Variants in KCNH7 observed in about 807,000 individuals in gnomAD.
KCNH7 encodes the protein voltage-gated inwardly rectifying potassium channel KCNH7.
KCNH7 carries 49 observed loss-of-function variants against 120.8 expected under a neutral mutation model. The observed-to-expected ratio is 0.41, with a 90% CI of 0.32 to 0.51. KCNH7 has a LOEUF of 0.51. Among genes scored for constraint, KCNH7 ranks in the 20% least tolerant of loss-of-function variants. The probability of loss-of-function intolerance (pLI) is 0.38; values close to 1 mark genes in which losing one functional copy is unlikely to be tolerated. For synonymous variants in KCNH7, 547 were observed against 516.1 expected (o/e 1.06, Z -0.81); for missense variants, 1,097 against 1,446.6 (o/e 0.76, Z 3.92).
At chr2:162,377,779 C>A (rs1162076432) in intron 14 of KCNH7, among the ~76,000 whole-genome samples, 1 of 152,076 alleles carries the variant, frequency 6.6e-6, no homozygotes, top group Non-Finnish European at 1.5e-5. Flanking sequence ...AGCAGCAATT[C>A]AAAACATCTT....
chr2:162,612,898 T>C (rs372116317), intron 2 of KCNH7, among the ~76,000 whole-genome samples: 3 of 152,120 alleles, frequency 2.0e-5, no homozygotes, highest in South Asian at 2.1e-4. Context: ...GGATCACTAA[T>C]AAATTACTAA....
chr2:162,800,631 T>A (rs1022015608), intron 2 of KCNH7, among the ~76,000 whole-genome samples: 3 of 151,906 alleles, frequency 2.0e-5, no homozygotes, highest in Non-Finnish European at 4.4e-5. Flanking sequence ...TACTAAGTTT[T>A]TAAAAAGGCA....
intron 2 of KCNH7, among the ~76,000 whole-genome samples, chr2:162,573,930 G>A (rs1693579208): frequency 6.6e-6 from 1 of 151,812 alleles, no homozygotes; most frequent in Admixed American, 6.6e-5. Context: ...CTGTGAGGAC[G>A]GGTTGCTATA....
chr2:162,732,728 G>A (rs1687773315), intron 2 of KCNH7, among the ~76,000 whole-genome samples: 1 of 152,170 alleles, frequency 6.6e-6, no homozygotes. Context: ...ATAGCATGAT[G>A]AGATATGGGC....
At chr2:162,654,982 G>A (rs1261895489) in intron 2 of KCNH7, among the ~76,000 whole-genome samples, 4 of 152,136 alleles carry the variant, frequency 2.6e-5, no homozygotes, top group African/African-American at 4.8e-5. Context: ...CAGGGGAAGG[G>A]GAGGAGCAGG....
chr2:162,834,562 G>A (rs1036755837), intron 2 of KCNH7, among the ~76,000 whole-genome samples: 23 of 151,930 alleles, frequency 1.5e-4, no homozygotes, highest in Non-Finnish European at 2.9e-5. Context: ...CTGAAAACAG[G>A]GGAGTTTTAA....
intron 2 of KCNH7, among the ~76,000 whole-genome samples, chr2:162,807,426 G>A (rs987884477): frequency 1.3e-5 from 2 of 151,832 alleles, no homozygotes; most frequent in African/African-American, 4.8e-5. Context: ...AATAGAGCAA[G>A]ACTCTGTCTC....
intron 2 of KCNH7, among the ~76,000 whole-genome samples, chr2:162,729,793 T>C (rs1232157876): frequency 6.6e-6 from 1 of 152,100 alleles, no homozygotes; most frequent in East Asian, 1.9e-4. Flanking sequence ...TTTGAGAAAA[T>C]ACTGTTTTAT....
Position 162,413,415 on chromosome 2 carries a change from C to T in KCNH7, c.2154+9921G>A, listed in dbSNP as rs563271165. ...GTGCTGGAATTACAGGGGTGAGCCA[C>T]TGTGCCCAGCCAAACCATTCTTATA... On this transcript the variant is annotated intron_variant, in intron 9 of 15. Coordinates refer to ENST00000332142, the MANE Select transcript of KCNH7 (RefSeq NM_033272.4). 3.2e-3 allele frequency among the ~76,000 whole-genome samples: 485 copies of T among 152,264 alleles called. 9 individuals carry two copies. The Middle Eastern group carries it at 0.061, about 19-fold the overall frequency.
intron 2 of KCNH7, among the ~76,000 whole-genome samples, chr2:162,786,848 G>A (rs622593): frequency 0.067 from 10,214 of 152,206 alleles, 401 homozygotes; most frequent in African/African-American, 0.11. Context: ...ACAACCATCC[G>A]CACCAGAAAA....
chr2:162,399,663 G>T (rs1386379468), intron 10 of KCNH7, among the ~76,000 whole-genome samples: 1 of 151,796 alleles, frequency 6.6e-6, no homozygotes, highest in Non-Finnish European at 1.5e-5. Flanking sequence ...TTCTATCACT[G>T]GTTGTTAAGT....
chr2:162,686,000 G>A (rs939983806), intron 2 of KCNH7, among the ~76,000 whole-genome samples: 6 of 152,032 alleles, frequency 3.9e-5, no homozygotes, highest in South Asian at 4.2e-4. Flanking sequence ...ATTACTGTCC[G>A]GACCATAAGA....
At chr2:162,607,107 T>C (rs1682799812) in intron 2 of KCNH7, among the ~76,000 whole-genome samples, 2 of 151,360 alleles carry the variant, frequency 1.3e-5, no homozygotes, top group African/African-American at 2.4e-5. Context: ...CCAGGTGCAG[T>C]GGCTCATGTC....
chr2:162,815,027 C>T (rs1559146669), intron 2 of KCNH7, among the ~76,000 whole-genome samples: 1 of 152,082 alleles, frequency 6.6e-6, no homozygotes, highest in Non-Finnish European at 1.5e-5. Context: ...CTGCATTTGT[C>T]TGTTACTTTG....
chr2:162,642,928 T>C (rs1684217683), intron 2 of KCNH7, among the ~76,000 whole-genome samples: 1 of 152,206 alleles, frequency 6.6e-6, no homozygotes, highest in Admixed American at 6.5e-5. Context: ...CATAACATGC[T>C]GGTCAAATTA....
chr2:162,533,630 T>C (rs1314334550), intron 3 of KCNH7, among the ~76,000 whole-genome samples: 1 of 151,692 alleles, frequency 6.6e-6, no homozygotes, highest in African/African-American at 2.4e-5. Flanking sequence ...TGGCTACCTA[T>C]GAAATATGAA....
At chr2:162,565,718 A>T (rs1693228567) in intron 2 of KCNH7, among the ~76,000 whole-genome samples, 1 of 152,006 alleles carries the variant, frequency 6.6e-6, no homozygotes, top group African/African-American at 2.4e-5. Flanking sequence ...CGGTTTATTG[A>T]TTTATAAACT....
chr2:162,784,129 G>T (rs1373278365), intron 2 of KCNH7, among the ~76,000 whole-genome samples: 1 of 151,978 alleles, frequency 6.6e-6, no homozygotes, highest in Non-Finnish European at 1.5e-5. Flanking sequence ...AATACAGACT[G>T]CCTGTAGAAG....
At chr2:162,585,881 G>T (rs1336405871) in intron 2 of KCNH7, among the ~76,000 whole-genome samples, 1 of 151,874 alleles carries the variant, frequency 6.6e-6, no homozygotes, top group Non-Finnish European at 1.5e-5. Context: ...ATACAGAAAT[G>T]CAATAAATGT....
Sources: gnomAD v4.1 joint callset for allele counts (sites outside exome capture counted in the v4.1 genomes callset) on GRCh38, gnomAD v4.1.1 for gene constraint, MANE v1.5 for transcripts, NCBI Gene and HGNC (gene_info 2026-07-23, HGNC 2026-07-21) for gene names.